METTL22: variants seen among roughly 807,000 people sequenced by gnomAD.
METTL22 encodes the protein methyltransferase 22, Kin17 lysine, also known as methyltransferase-like protein 22.
Under a neutral mutation model 48.4 loss-of-function variants are expected in METTL22, and 51 were observed. The ratio of observed to expected loss-of-function variants is 1.05; its 90% CI spans 0.84 to 1.33. The LOEUF (loss-of-function observed/expected upper bound fraction) is 1.33, where lower values mean the gene tolerates loss of function less well. METTL22 is among the 40% of genes most tolerant of loss of function. The pLI is 0.00. For missense variants in METTL22, 678 were observed against 526.9 expected (o/e 1.29, Z -2.81); for synonymous variants, 255 against 214.1 (o/e 1.19, Z -1.67).
At chr16:8,623,287 G>A (rs1359036092) in intron 1 of METTL22, among the ~76,000 whole-genome samples, 2 of 151,456 alleles carry the variant, frequency 1.3e-5, no homozygotes, top group African/African-American at 4.9e-5. Flanking sequence ...CTCTAGCCTG[G>A]GCAACAGAGT....
chr16:8,624,971 G>A (rs904367600), intron 1 of METTL22, among the ~76,000 whole-genome samples: 6 of 152,022 alleles, frequency 3.9e-5, no homozygotes, highest in African/African-American at 1.5e-4. Context: ...AAGAGTAAAG[G>A]GCCATAACAA....
chr16:8,661,687 G>C, the METTL22 span, among the ~76,000 whole-genome samples: 16 of 138,556 alleles, frequency 1.2e-4, 2 homozygotes, highest in African/African-American at 3.3e-4. Context: ...TCATTTATCT[G>C]CCCAACAACT....
chr16:8,657,824 C>CTTTTTTTTTTTTTTTTTTTTTTTTTTT, the METTL22 span, among the ~76,000 whole-genome samples: 1 of 137,432 alleles, frequency 7.3e-6, no homozygotes, highest in African/African-American at 2.9e-5. Context: ...TCTTTTCTTT[C>CTTTTTTTTTTTTTTTTTTTTTTTTTTT]TTTTTTTTTT....
At chr16:8,629,159 G>C in intron 3 of METTL22, 49 bp downstream of exon 3, 1 of 1,578,988 alleles carries the variant, frequency 6.3e-7, no homozygotes, top group South Asian at 1.2e-5. Context: ...CAACTCCGCA[G>C]TGTCACTGCT....
chr16:8,633,882 C>G (rs551464170), intron 3 of METTL22, among the ~76,000 whole-genome samples: 39 of 152,340 alleles, frequency 2.6e-4, no homozygotes, highest in African/African-American at 9.1e-4. Context: ...GTGAGCCAAT[C>G]AGGTAGAATC....
At chr16:8,660,497 T>C in the METTL22 span, among the ~76,000 whole-genome samples, 1 of 151,990 alleles carries the variant, frequency 6.6e-6, no homozygotes, top group Non-Finnish European at 1.5e-5. Context: ...CAATTTTATC[T>C]CCTCATTTTT....
In METTL22 at chr16:8,644,673, C is replaced by T; in HGVS notation, c.1127C>T (p.Pro376Leu). 1 of 1,605,564 alleles carries T rather than the reference C, an allele frequency of 6.2e-7. No homozygotes were observed. The highest frequency in any genetic ancestry group is 2.3e-5 in the East Asian group (1 of 44,324). ...ADGKLRFVVE[P>L]VEASFPQLLV... is the part of the protein sequence containing the mutation. ...GGCAAGCTGCGCTTCGTGGTGGAGC[C>T]CGTGGAGGCCTCCTTCCCACAGCTC... Residue 376 changes from proline (P) to leucine (L), a missense_variant, in exon 10 of 11, where the codon CCC (proline) becomes CTC (leucine). Pro to Leu is a moderately conservative substitution (Grantham distance 98, BLOSUM62 -3). Transcript: ENST00000381920.
intron 3 of METTL22, among the ~76,000 whole-genome samples, chr16:8,634,506 C>A (rs1218135294): frequency 6.6e-6 from 1 of 151,982 alleles, no homozygotes; most frequent in Non-Finnish European, 1.5e-5. Flanking sequence ...CTTGAGAATA[C>A]TTATACTACT....
downstream of METTL22, among the ~76,000 whole-genome samples, chr16:8,654,590 C>T (rs966263354): frequency 6.6e-6 from 1 of 152,210 alleles, no homozygotes; most frequent in Non-Finnish European, 1.5e-5. Context: ...TACTCTCTAA[C>T]AAGAGCTGTA....
chr16:8,634,055 A>G (rs764406171), intron 3 of METTL22, among the ~76,000 whole-genome samples: 3 of 152,220 alleles, frequency 2.0e-5, no homozygotes, highest in African/African-American at 7.2e-5. Flanking sequence ...TCTGAAAGGA[A>G]CATGTTTTAT....
chr16:8,662,822 C>T, the METTL22 span, among the ~76,000 whole-genome samples: 89 of 144,468 alleles, frequency 6.2e-4, 11 homozygotes, highest in Non-Finnish European at 1.1e-3. Context: ...CTGTAAAATG[C>T]GCACACTACT....
At chr16:8,628,670 A>G (rs1170156321) in intron 2 of METTL22, 60 bp from the exon 3 acceptor site, 32 of 1,535,516 alleles carry the variant, frequency 2.1e-5, no homozygotes, top group Admixed American at 4.3e-5. Flanking sequence ...AAAGAAGAAG[A>G]GGAAGGTAAA....
At position 8,626,182 on chromosome 16, in the gene METTL22, G is replaced by A. The variant is rs564936525; in HGVS notation, c.133+384G>A. On this transcript the variant is annotated intron_variant, in intron 2 of 10. Coordinates refer to ENST00000381920, the MANE Select transcript of METTL22 (RefSeq NM_024109.4). ...TGGCTGGTTTTTATTTTGTAGAGCT[G>A]GAGTCTTGCTAGCCCAGGCTGGTTT... is the stretch of plus-strand genomic sequence containing the variant. Among the ~76,000 whole-genome samples, 20 of 152,010 alleles carry A rather than the reference G, an allele frequency of 1.3e-4. 1 individual carries two copies.
At chr16:8,654,798 C>G in the METTL22 span, among the ~76,000 whole-genome samples, 1 of 152,206 alleles carries the variant, frequency 6.6e-6, no homozygotes, top group Non-Finnish European at 1.5e-5. Context: ...CTCATCTGAA[C>G]TCCATGTTGT....
At chr16:8,627,421 TCCTC>T (rs2056098034) in intron 2 of METTL22, among the ~76,000 whole-genome samples, 1 of 151,956 alleles carries the variant, frequency 6.6e-6, no homozygotes, top group African/African-American at 2.4e-5. Context: ...ACACCTGCTT[TCCTC>T]CCCTCCTGGC....
At chr16:8,662,922 C>G in the METTL22 span, among the ~76,000 whole-genome samples, 122 of 144,140 alleles carry the variant, frequency 8.5e-4, 15 homozygotes, top group African/African-American at 3.0e-3. Context: ...GCAATGGTAG[C>G]CATCACCAGG....
chr16:8,628,443 C>G (rs2056136638), intron 2 of METTL22, among the ~76,000 whole-genome samples: 2 of 152,012 alleles, frequency 1.3e-5, no homozygotes, highest in Non-Finnish European at 2.9e-5. Context: ...TAAGATGAAG[C>G]TGATAATGGT....
Position 8,637,369 on chromosome 16 carries a change from G to A in METTL22, c.701-1722G>A, listed in dbSNP as rs117241640. Among the ~76,000 whole-genome samples the A allele has an allele frequency of 6.0e-3, 907 of 152,360 alleles. 5 individuals are homozygous for A. Among genetic ancestry groups the A allele is most frequent in the Non-Finnish European group, 0.011 (723 of 68,032 alleles). On this transcript the variant is annotated intron_variant, in intron 5 of 10. Transcript: ENST00000381920. ...CTTCTCAGAGTCAAGCCGTCCAAGAGCTTTGCTTCGTCCCTGGTGCCTAAT... is the reference window on the plus strand; with the variant it reads ...CTTCTCAGAGTCAAGCCGTCCAAGAACTTTGCTTCGTCCCTGGTGCCTAAT...
chr16:8,645,997 T>A (rs2056783533), intron 10 of METTL22, 111 bp from the exon 11 acceptor site: 7 of 1,530,460 alleles, frequency 4.6e-6, no homozygotes, highest in Non-Finnish European at 6.1e-6. Context: ...GCCTGCTCCG[T>A]GGCTGACGTG....
Sources: gnomAD v4.1 joint callset for allele counts (sites outside exome capture counted in the v4.1 genomes callset) on GRCh38, gnomAD v4.1.1 for gene constraint, MANE v1.5 for transcripts, NCBI Gene and HGNC (gene_info 2026-07-23, HGNC 2026-07-21) for gene names.